Variants in PIK3AP1 observed in about 807,000 individuals in gnomAD.
PIK3AP1 encodes phosphoinositide 3-kinase adapter protein 1.
A neutral mutation model predicts 88.1 loss-of-function variants in PIK3AP1; 21 were observed. The observed-to-expected ratio is 0.24, with a 90% CI of 0.17 to 0.34. The LOEUF is 0.34. Ranked by LOEUF, PIK3AP1 falls within the 10% of genes least tolerant of loss-of-function variation. The probability of loss-of-function intolerance (pLI) is 1.00; values close to 1 mark genes in which losing one functional copy is unlikely to be tolerated. For synonymous variants in PIK3AP1, 398 were observed against 400.0 expected (o/e 1.00, Z 0.06); for missense variants, 828 against 1,035.7 (o/e 0.80, Z 2.75).
At chr10:96,653,111 T>C (rs1018281080) in intron 3 of PIK3AP1, among the ~76,000 whole-genome samples, 2 of 151,778 alleles carry the variant, frequency 1.3e-5, no homozygotes, top group African/African-American at 4.8e-5. Context: ...ACAATAATAA[T>C]AATAATAAAA....
In PIK3AP1 at chr10:96,720,477, A is replaced by T; in HGVS notation, c.-83T>A. The T allele has an allele frequency of 8.6e-7, 1 of 1,160,752 alleles. No individual in the cohort carries two copies. Among genetic ancestry groups the T allele is most frequent in the Non-Finnish European group, 1.1e-6 (1 of 933,574 alleles). The allele number at this position is 1,160,752 out of a possible 1,614,324, so 71.9% of individuals were successfully genotyped here. On this transcript the variant is annotated 5_prime_UTR_variant, in exon 1 of 17. Coordinates refer to ENST00000339364, the MANE Select transcript of PIK3AP1 (RefSeq NM_152309.3). The surrounding 1 kb of genome is among the most constrained non-coding windows in gnomAD (Gnocchi z 4.6). ...CCGGCGGCGTCCTGGCTCGGGCTGG[A>T]GGGGCGCCGGGCTCCGCGCGGGACC... is the stretch of plus-strand genomic sequence containing the variant.
intron 13 of PIK3AP1, among the ~76,000 whole-genome samples, chr10:96,615,200 G>C (rs115782974): frequency 6.6e-6 from 1 of 152,186 alleles, no homozygotes; most frequent in Non-Finnish European, 1.5e-5. Context: ...TGCAGCACAG[G>C]GTTTGGGGGA....
rs576128687 is a variant in PIK3AP1, at chr10:96,616,487, C to A, written c.2014+152G>T. 8.1e-6 allele frequency: 6 copies of A among 744,080 alleles called. No individual in the cohort carries two copies. The East Asian group carries it at 1.3e-4, about 16-fold the overall frequency. 46.1% of individuals were successfully genotyped at this position (744,080 alleles called of 1,614,324 possible). On this transcript the variant is annotated intron_variant, in intron 13 of 16. Transcript: ENST00000339364. ...AAGATATAACCATTGTCCAAAAGGCCTTTACAGTCTAGTGGGGGACCCAGA... is the reference window on the plus strand; with the variant it reads ...AAGATATAACCATTGTCCAAAAGGCATTTACAGTCTAGTGGGGGACCCAGA...
intron 8 of PIK3AP1, among the ~76,000 whole-genome samples, chr10:96,629,930 A>AAAAAAAAAAAAAAAAAAAAAAAAAG (rs776780994): frequency 7.3e-5 from 1 of 13,726 alleles, no homozygotes; most frequent in Non-Finnish European, 1.6e-4. Flanking sequence ...AAAAAAAAAA[A>AAAAAAAAAAAAAAAAAAAAAAAAAG]AAGAAGAAGA....
intron 13 of PIK3AP1, among the ~76,000 whole-genome samples, chr10:96,612,694 C>T (rs1342013690): frequency 2.0e-5 from 3 of 151,874 alleles, no homozygotes; most frequent in Non-Finnish European, 4.4e-5. Flanking sequence ...GAGTGCCCCT[C>T]CCCAAGCAGG....
chr10:96,671,279 G>C (rs1843842537), intron 2 of PIK3AP1, among the ~76,000 whole-genome samples: 1 of 152,176 alleles, frequency 6.6e-6, no homozygotes, highest in Non-Finnish European at 1.5e-5. Context: ...GCAATGGTGG[G>C]ACTCAAACCT....
At chr10:96,625,083 A>C (rs1843137011) in intron 10 of PIK3AP1, among the ~76,000 whole-genome samples, 1 of 152,194 alleles carries the variant, frequency 6.6e-6, no homozygotes, top group Non-Finnish European at 1.5e-5. Flanking sequence ...CTATCAAGCA[A>C]GTTACACTGC....
chr10:96,679,476 C>T (rs985643848), intron 2 of PIK3AP1, among the ~76,000 whole-genome samples: 4 of 151,510 alleles, frequency 2.6e-5, no homozygotes, highest in East Asian at 1.9e-4. Context: ...TGCAGTAAGC[C>T]GAGATCTCGC....
At chr10:96,703,701 T>A (rs549013491) in intron 2 of PIK3AP1, among the ~76,000 whole-genome samples, 1 of 152,324 alleles carries the variant, frequency 6.6e-6, no homozygotes, top group African/African-American at 2.4e-5. Context: ...AAAAGTCAGA[T>A]CAATAGTCCA....
chr10:96,633,154 C>A, intron 8 of PIK3AP1: 1 of 1,357,176 alleles, frequency 7.4e-7, no homozygotes, highest in Non-Finnish European at 9.9e-7. Context: ...CTCAGGAAAG[C>A]CCAAAGAATG....
chr10:96,608,511 G>A (rs1849041554), intron 14 of PIK3AP1, among the ~76,000 whole-genome samples: 1 of 152,214 alleles, frequency 6.6e-6, no homozygotes, highest in African/African-American at 2.4e-5. Context: ...AGAGAAAGGA[G>A]CTAGGATCTA....
chr10:96,676,371 G>A (rs868810775), intron 2 of PIK3AP1, among the ~76,000 whole-genome samples: 1 of 147,862 alleles, frequency 6.8e-6, no homozygotes, highest in Non-Finnish European at 1.5e-5. Context: ...ACTGCTGGCC[G>A]GTGGCCCCTA....
chr10:96,649,360 T>G (rs200811243), intron 6 of PIK3AP1, among the ~76,000 whole-genome samples: 26 of 152,246 alleles, frequency 1.7e-4, no homozygotes, highest in Non-Finnish European at 3.1e-4. Flanking sequence ...TTTTAATTAA[T>G]TAGCAAATCT....
intron 2 of PIK3AP1, among the ~76,000 whole-genome samples, chr10:96,657,507 CAG>C (rs1240697385): frequency 2.0e-5 from 3 of 152,182 alleles, no homozygotes; most frequent in Non-Finnish European, 4.4e-5. Flanking sequence ...GGAGCATGCA[CAG>C]AGTCAGGGCT....
chr10:96,684,428 G>A (rs1246769805), intron 2 of PIK3AP1, among the ~76,000 whole-genome samples: 1 of 152,228 alleles, frequency 6.6e-6, no homozygotes, highest in Non-Finnish European at 1.5e-5. Flanking sequence ...GGCTTGTGCT[G>A]AGGCCAAGGC....
intron 10 of PIK3AP1, among the ~76,000 whole-genome samples, chr10:96,625,169 C>T (rs1366164093): frequency 6.6e-6 from 1 of 152,142 alleles, no homozygotes; most frequent in East Asian, 1.9e-4. Context: ...TGCAAGTAAG[C>T]TGGGGCACTC....
intron 2 of PIK3AP1, among the ~76,000 whole-genome samples, chr10:96,688,891 C>G (rs551060708): frequency 6.6e-6 from 1 of 152,132 alleles, no homozygotes; most frequent in African/African-American, 2.4e-5. Flanking sequence ...GCATTACCCC[C>G]ACCCCCCATC....
chr10:96,716,391 C>T (rs768041133), intron 1 of PIK3AP1, among the ~76,000 whole-genome samples: 11 of 152,334 alleles, frequency 7.2e-5, no homozygotes, highest in Middle Eastern at 3.4e-3. Context: ...AAATTAATTA[C>T]TGCCTCAGAC....
intron 2 of PIK3AP1, among the ~76,000 whole-genome samples, chr10:96,671,497 C>A (rs1309355249): frequency 1.3e-5 from 2 of 151,998 alleles, no homozygotes; most frequent in African/African-American, 4.8e-5. Flanking sequence ...CCAGCTACCC[C>A]CAAAGTCACA....
Sources: allele counts gnomAD v4.1 joint callset (sites outside exome capture counted in the v4.1 genomes callset), GRCh38; gene constraint gnomAD v4.1.1; non-coding constraint Gnocchi (gnomAD v3.1); transcripts MANE v1.5; gene names NCBI Gene and HGNC (gene_info 2026-07-23, HGNC 2026-07-21).